Variants in SOX6 observed in about 807,000 individuals in gnomAD.
The protein encoded by SOX6 is SRY-box transcription factor 6, also known as transcription factor SOX-6.
Under a neutral mutation model 97.8 loss-of-function variants are expected in SOX6, and 11 were observed. That is an observed-to-expected ratio of 0.11 (90% CI 0.07 to 0.19). The LOEUF (loss-of-function observed/expected upper bound fraction) is 0.19, where lower values mean the gene tolerates loss of function less well. Ranked by LOEUF, SOX6 falls within the 10% of genes least tolerant of loss-of-function variation. SOX6 has a pLI of 1.00. For missense variants in SOX6, 810 were observed against 1,039.5 expected (o/e 0.78, Z 3.04); for synonymous variants, 360 against 371.4 (o/e 0.97, Z 0.35).
intron 4 of SOX6, among the ~76,000 whole-genome samples, chr11:16,590,065 C>T (rs1220562586): frequency 6.6e-6 from 1 of 152,146 alleles, no homozygotes; most frequent in Non-Finnish European, 1.5e-5. Flanking sequence ...ATCAGCACTG[C>T]GTAATGCAAA....
intron 1 of SOX6, among the ~76,000 whole-genome samples, chr11:16,375,527 G>T (rs1156965067): frequency 1.3e-5 from 2 of 151,758 alleles, no homozygotes; most frequent in African/African-American, 4.8e-5. Context: ...AGAAGAAATT[G>T]TCCTGGTCCT....
chr11:15,986,154 T>C, intron 15 of SOX6, 50 bp downstream of exon 15: 1 of 1,525,828 alleles, frequency 6.6e-7, no homozygotes, highest in South Asian at 1.1e-5. Flanking sequence ...CATCCTATAG[T>C]TACTTACCGC....
chr11:16,509,376 T>C (rs1860840969), intron 4 of SOX6, among the ~76,000 whole-genome samples: 1 of 152,050 alleles, frequency 6.6e-6, no homozygotes, highest in African/African-American at 2.4e-5. Flanking sequence ...TGCTACAATA[T>C]GCACAGTATA....
rs1281565992 is a variant in SOX6 at position 16,452,845 on chromosome 11, G to A, written c.-5+23470C>T. On this transcript the variant is annotated intron_variant, in intron 1 of 15. Coordinates refer to the SOX6 transcript ENST00000396356. ...GGAGATGTGCACATCAAATAAAAAT[G>A]GAGAATATGGCTATATTTCAACTCA... is the stretch of plus-strand genomic sequence containing the variant. 3.3e-5 allele frequency among the ~76,000 whole-genome samples: 5 copies of A among 152,134 alleles called. No homozygotes were observed. The East Asian group carries it at 9.6e-4, about 29-fold the overall frequency.
chr11:16,057,156 T>G (rs1847835651), intron 9 of SOX6, among the ~76,000 whole-genome samples: 1 of 152,162 alleles, frequency 6.6e-6, no homozygotes, highest in Non-Finnish European at 1.5e-5. Context: ...TTCTAAATGT[T>G]ATATCATTAT....
chr11:16,012,859 G>C (rs1439603875), intron 13 of SOX6, among the ~76,000 whole-genome samples: 1 of 152,014 alleles, frequency 6.6e-6, no homozygotes, highest in African/African-American at 2.4e-5. Flanking sequence ...AAAGGCGTAA[G>C]ACATCCTCTA....
intron 1 of SOX6, among the ~76,000 whole-genome samples, chr11:16,451,441 C>T (rs557182881): frequency 6.6e-6 from 1 of 152,062 alleles, no homozygotes; most frequent in Non-Finnish European, 1.5e-5. Flanking sequence ...TAAGGACTTC[C>T]AAAAGCCTTC....
At chr11:16,036,153 C>T (rs1855513810) in intron 12 of SOX6, among the ~76,000 whole-genome samples, 1 of 149,466 alleles carries the variant, frequency 6.7e-6, no homozygotes, top group Non-Finnish European at 1.5e-5. Context: ...GACCTCTGCT[C>T]ACCGCAACCT....
At chr11:16,273,096 C>T (rs1038530983) in intron 3 of SOX6, among the ~76,000 whole-genome samples, 27 of 151,450 alleles carry the variant, frequency 1.8e-4, no homozygotes, top group Non-Finnish European at 2.8e-4. Context: ...AATTTCACTC[C>T]GTCAATTACT....
chr11:16,417,280 T>C (rs1371270316), intron 1 of SOX6, among the ~76,000 whole-genome samples: 1 of 152,156 alleles, frequency 6.6e-6, no homozygotes, highest in Admixed American at 6.6e-5. Flanking sequence ...CCCTGGCCCA[T>C]CCTATCAATG....
intron 2 of SOX6, among the ~76,000 whole-genome samples, chr11:16,724,453 C>A (rs542547325): frequency 1.3e-5 from 2 of 150,268 alleles, no homozygotes; most frequent in Non-Finnish European, 3.0e-5. Context: ...GTTCTAAAAA[C>A]GTGGTCTTCA....
chr11:16,641,331 A>G (rs941373029), intron 3 of SOX6, among the ~76,000 whole-genome samples: 17 of 152,088 alleles, frequency 1.1e-4, no homozygotes, highest in African/African-American at 4.1e-4. Context: ...ACTTCCAACT[A>G]TGTGGTCAGT....
rs545025347 is a variant in SOX6 at position 16,338,354 on chromosome 11, A to C, written c.237+2658T>G. 2.5e-4 allele frequency among the ~76,000 whole-genome samples: 38 copies of C among 152,150 alleles called. 2 individuals carry two copies. The highest frequency in any genetic ancestry group is 8.9e-4 in the African/African-American group (37 of 41,546). On this transcript the variant is annotated intron_variant, in intron 2 of 15. Coordinates refer to ENST00000683767, the MANE Select transcript of SOX6 (RefSeq NM_001367873.1). ...TAGCAGAGTCCTCCCACTCCAACAC[A>C]CACTCACACATACACACACACAATA...
At chr11:16,358,549 T>G (rs1326382522), upstream of SOX6, among the ~76,000 whole-genome samples, 1 of 152,030 alleles carries the variant, frequency 6.6e-6, no homozygotes, top group East Asian at 1.9e-4. Flanking sequence ...GAGCATCAAC[T>G]TATGCCCCAA....
At chr11:16,612,672 G>T (rs1007318106) in intron 3 of SOX6, among the ~76,000 whole-genome samples, 1 of 152,104 alleles carries the variant, frequency 6.6e-6, no homozygotes, top group Admixed American at 6.5e-5. Context: ...CAAAGGCAGC[G>T]TGGAGCGGCA....
At chr11:16,514,517 T>C (rs1240507483) in intron 4 of SOX6, among the ~76,000 whole-genome samples, 1 of 152,048 alleles carries the variant, frequency 6.6e-6, no homozygotes, top group African/African-American at 2.4e-5. Flanking sequence ...AAATAGATAA[T>C]ATATAATATT....
chr11:16,604,249 C>T (rs1270542908), intron 4 of SOX6, among the ~76,000 whole-genome samples: 1 of 152,208 alleles, frequency 6.6e-6, no homozygotes, highest in Non-Finnish European at 1.5e-5. Context: ...CAGGACTTGC[C>T]AGGTGTCCGT....
chr11:16,485,784 C>T (rs1270471003), intron 4 of SOX6, among the ~76,000 whole-genome samples: 1 of 149,758 alleles, frequency 6.7e-6, no homozygotes, highest in Non-Finnish European at 1.5e-5. Flanking sequence ...GTCCCAGCTA[C>T]CGAGGAGGCT....
At chr11:16,061,526 C>A (rs576539160) in intron 9 of SOX6, among the ~76,000 whole-genome samples, 4 of 151,426 alleles carry the variant, frequency 2.6e-5, no homozygotes, top group African/African-American at 9.7e-5. Context: ...CATTTTTAAT[C>A]AAATTAGAAA....
Sources: gnomAD v4.1 joint callset for allele counts (sites outside exome capture counted in the v4.1 genomes callset) on GRCh38, gnomAD v4.1.1 for gene constraint, MANE v1.5 for transcripts, NCBI Gene and HGNC (gene_info 2026-07-23, HGNC 2026-07-21) for gene names.